The following EFCAB11 variants were observed in gnomAD, a reference collection of about 807,000 sequenced individuals.
EFCAB11 encodes EF-hand calcium binding domain 11.
EFCAB11 carries 14 observed loss-of-function variants against 23.0 expected under a neutral mutation model. The ratio of observed to expected loss-of-function variants is 0.61; its 90% CI spans 0.40 to 0.95. The LOEUF (loss-of-function observed/expected upper bound fraction) is 0.95. EFCAB11 is among the 40% of genes least tolerant of loss of function. EFCAB11 has a pLI of 0.00. For synonymous variants in EFCAB11, 65 were observed against 66.6 expected (o/e 0.98, Z 0.11); for missense variants, 198 against 195.8 (o/e 1.01, Z -0.07).
At position 89,835,585 on chromosome 14, in the gene EFCAB11, CGTGTGTGTGTGTGTGTGTGTGT is replaced by C. The variant is rs67831579; in HGVS notation, c.411-38283_411-38262del. 4.9e-4 allele frequency among the ~76,000 whole-genome samples: 46 copies of C among 93,394 alleles called. 1 individual carries two copies. Among genetic ancestry groups the C allele is most frequent in the African/African-American group, 1.2e-3 (27 of 21,850 alleles). 61.3% of individuals were successfully genotyped at this position (93,394 alleles called of 152,430 possible). ...TGGATTTCAGATTAGGGATGCTCAA[CGTGTGTGTGTGTGTGTGTGTGT>C]GTGTGTGTGTGTGTGTGTGTGTGTG... On this transcript the variant is annotated intron_variant, in intron 5 of 5. Coordinates refer to ENST00000316738, the MANE Select transcript of EFCAB11 (RefSeq NM_145231.4).
intron 1 of EFCAB11, chr14:89,954,229 A>T: frequency 9.0e-7 from 1 of 1,115,194 alleles, no homozygotes; most frequent in Non-Finnish European, 1.3e-6. Context: ...GTTAACCGCT[A>T]GGTGACGCAA....
intron 5 of EFCAB11, among the ~76,000 whole-genome samples, chr14:89,878,070 T>C (rs1266304946): frequency 1.3e-5 from 2 of 152,158 alleles, no homozygotes; most frequent in African/African-American, 2.4e-5. Context: ...TTTTCTCAAA[T>C]GGATAGGGGA....
At chr14:89,873,040 CTA>C (rs1888330811) in intron 5 of EFCAB11, among the ~76,000 whole-genome samples, 1 of 152,130 alleles carries the variant, frequency 6.6e-6, no homozygotes, top group Admixed American at 6.5e-5. Context: ...TGTTCTCACA[CTA>C]GTATTAGTAT....
chr14:89,831,200 G>A (rs1446328204), intron 5 of EFCAB11: 1 of 152,172 alleles, frequency 6.6e-6, no homozygotes, highest in Non-Finnish European at 1.5e-5. Context: ...AAGGAACTTG[G>A]GATGACTTCC....
chr14:89,918,438 C>T (rs1198258001), intron 5 of EFCAB11, among the ~76,000 whole-genome samples: 2 of 151,530 alleles, frequency 1.3e-5, no homozygotes, highest in Non-Finnish European at 2.9e-5. Context: ...ACTTGGGAGG[C>T]TGAGGCAGGA....
At chr14:89,875,642 GA>G (rs1486876088) in intron 5 of EFCAB11, among the ~76,000 whole-genome samples, 1 of 152,196 alleles carries the variant, frequency 6.6e-6, no homozygotes, top group East Asian at 1.9e-4. Flanking sequence ...AAAGGAGAAG[GA>G]TCAGCAGGTT....
At position 89,886,045 on chromosome 14, in the gene EFCAB11, C is replaced by A. The variant is rs1303216575; in HGVS notation, c.410+45496G>T. On this transcript the variant is annotated intron_variant, in intron 5 of 5. Transcript: ENST00000316738. ...GTTATATAATAAAGAGAGTGTGATA[C>A]TGGCACAAAGATAGACAAACAGACC... Among the ~76,000 whole-genome samples the A allele has an allele frequency of 4.6e-5, 7 of 152,120 alleles. No homozygotes were observed. In the East Asian group the frequency reaches 1.3e-3, roughly 29 times the overall value.
chr14:89,854,359 G>A (rs1328966213), intron 5 of EFCAB11, among the ~76,000 whole-genome samples: 1 of 152,148 alleles, frequency 6.6e-6, no homozygotes, highest in Non-Finnish European at 1.5e-5. Context: ...GGGCAATGTG[G>A]TAGCTCCTCT....
At chr14:89,886,513 G>A (rs1288643620) in intron 5 of EFCAB11, among the ~76,000 whole-genome samples, 18 of 70,534 alleles carry the variant, frequency 2.6e-4, no homozygotes, top group African/African-American at 8.9e-4. Flanking sequence ...GCGAAACTCC[G>A]TCTCAAAAAA....
chr14:89,866,347 G>A (rs528090058), intron 5 of EFCAB11, among the ~76,000 whole-genome samples: 19 of 152,306 alleles, frequency 1.2e-4, no homozygotes, highest in African/African-American at 3.8e-4. Context: ...CATGGCCAGG[G>A]CCACACAGTA....
intron 3 of EFCAB11, among the ~76,000 whole-genome samples, chr14:89,948,730 G>A (rs1382493114): frequency 6.6e-6 from 1 of 152,072 alleles, no homozygotes; most frequent in Non-Finnish European, 1.5e-5. Context: ...AGTCAAATAA[G>A]GCACAGAAAG....
chr14:89,809,554 G>T (rs963668143), intron 5 of EFCAB11, among the ~76,000 whole-genome samples: 2 of 152,148 alleles, frequency 1.3e-5, no homozygotes, highest in African/African-American at 4.8e-5. Flanking sequence ...TAAAAGGTTC[G>T]TGCCCTTCTA....
At chr14:89,919,642 C>T (rs1233244188) in intron 5 of EFCAB11, among the ~76,000 whole-genome samples, 10 of 152,024 alleles carry the variant, frequency 6.6e-5, no homozygotes. Context: ...GATAAACAGG[C>T]AGAGTAGGGG....
At chr14:89,904,144 C>A (rs1889421530) in intron 5 of EFCAB11, among the ~76,000 whole-genome samples, 2 of 152,058 alleles carry the variant, frequency 1.3e-5, no homozygotes, top group African/African-American at 4.8e-5. Context: ...TACCCCCTGA[C>A]CGGCCCTGGT....
chr14:89,903,029 C>T (rs993902369), intron 5 of EFCAB11, among the ~76,000 whole-genome samples: 1 of 152,192 alleles, frequency 6.6e-6, no homozygotes, highest in Non-Finnish European at 1.5e-5. Flanking sequence ...AAAGGAGACA[C>T]AACACATTAG....
intron 5 of EFCAB11, among the ~76,000 whole-genome samples, chr14:89,887,479 G>A (rs1888827629): frequency 6.6e-6 from 1 of 152,132 alleles, no homozygotes; most frequent in Non-Finnish European, 1.5e-5. Context: ...AGTAAAACTA[G>A]AAATAATTTG....
At chr14:89,813,947 G>A (rs557641506) in intron 5 of EFCAB11, among the ~76,000 whole-genome samples, 23 of 152,210 alleles carry the variant, frequency 1.5e-4, no homozygotes, top group Middle Eastern at 3.4e-3. Flanking sequence ...GTGTCTGCGC[G>A]CATTCCTCGG....
At chr14:89,895,315 A>C (rs1041519103) in intron 5 of EFCAB11, among the ~76,000 whole-genome samples, 5 of 152,222 alleles carry the variant, frequency 3.3e-5, no homozygotes, top group African/African-American at 4.8e-5. Context: ...AGTCAATGTT[A>C]ATCGAAATCT....
chr14:89,794,739 T>G lies in EFCAB11; in HGVS notation c.*2504A>C, dbSNP rs538836804. On this transcript the variant is annotated 3_prime_UTR_variant, in exon 6 of 6. Coordinates refer to ENST00000316738, the MANE Select transcript of EFCAB11 (RefSeq NM_145231.4). ...TTCTTCATTTTAGATAAAGTTTAGT[T>G]TAACAGGTTTTGAATAAGACTTTAT... The G allele has an allele frequency of 6.6e-6, 1 of 152,292 alleles. No individual in the cohort carries two copies. The highest frequency in any genetic ancestry group is 2.1e-4 in the South Asian group (1 of 4,830). 9.4% of individuals were successfully genotyped at this position (152,292 alleles called of 1,614,324 possible). A position where few individuals can be genotyped will look rare whatever the true frequency, so the allele number is the denominator to read the frequency against.
Sources: gnomAD v4.1 joint callset for allele counts (sites outside exome capture counted in the v4.1 genomes callset) on GRCh38, gnomAD v4.1.1 for gene constraint, MANE v1.5 for transcripts, NCBI Gene and HGNC (gene_info 2026-07-23, HGNC 2026-07-21) for gene names.